The following PRR16 variants were observed in gnomAD, a reference collection of about 807,000 sequenced individuals.
PRR16 encodes proline rich 16.
Under a neutral mutation model 18.2 loss-of-function variants are expected in PRR16, and 6 were observed. The observed-to-expected ratio is 0.33, with a 90% CI of 0.18 to 0.65. The LOEUF is 0.65. PRR16 is among the 30% of genes least tolerant of loss of function. The probability of loss-of-function intolerance (pLI) is 0.74; values close to 1 mark genes in which losing one functional copy is unlikely to be tolerated. For synonymous variants in PRR16, 151 were observed against 147.8 expected (o/e 1.02, Z -0.16); for missense variants, 412 against 376.6 (o/e 1.09, Z -0.78).
the PRR16 span, among the ~76,000 whole-genome samples, chr5:120,720,350 CT>C: frequency 6.6e-6 from 1 of 151,656 alleles, no homozygotes; most frequent in South Asian, 2.1e-4. Context: ...ATTAAATTTC[CT>C]TTTGACCCAT....
the PRR16 span, among the ~76,000 whole-genome samples, chr5:120,763,750 A>G: frequency 1.8e-4 from 27 of 151,806 alleles, no homozygotes; most frequent in Admixed American, 2.6e-4. Context: ...TTGTAAGTTT[A>G]CTTGTAGAGG....
the PRR16 span, among the ~76,000 whole-genome samples, chr5:120,784,689 A>AATTT: frequency 6.6e-6 from 1 of 152,186 alleles, no homozygotes. Context: ...GATTAAATAT[A>AATTT]ATTTTTATCC....
chr5:120,622,853 T>C (rs1226168458), intron 1 of PRR16, among the ~76,000 whole-genome samples: 1 of 151,052 alleles, frequency 6.6e-6, no homozygotes, highest in Non-Finnish European at 1.5e-5. Flanking sequence ...TCTTTTTTGT[T>C]CTTTAAAAGA....
intron 1 of PRR16, among the ~76,000 whole-genome samples, chr5:120,672,019 T>A (rs1478637368): frequency 6.6e-6 from 1 of 152,234 alleles, no homozygotes; most frequent in African/African-American, 2.4e-5. Flanking sequence ...ATTCTAGACA[T>A]AAATGCCCAG....
At chr5:120,575,799 A>G (rs1341777610) in intron 1 of PRR16, among the ~76,000 whole-genome samples, 1 of 152,222 alleles carries the variant, frequency 6.6e-6, no homozygotes, top group Non-Finnish European at 1.5e-5. Flanking sequence ...TTCTAGTCAG[A>G]GCAATCAAGC....
chr5:120,669,065 A>G (rs970932767), intron 1 of PRR16, among the ~76,000 whole-genome samples: 1 of 152,316 alleles, frequency 6.6e-6, no homozygotes, highest in Middle Eastern at 3.4e-3. Context: ...CTAATGTGCC[A>G]TAAGAGGATA....
At chr5:120,767,483 A>T in the PRR16 span, among the ~76,000 whole-genome samples, 3 of 152,056 alleles carry the variant, frequency 2.0e-5, no homozygotes, top group Admixed American at 6.6e-5. Flanking sequence ...ATGTCAGGAA[A>T]GACATAAGTG....
At chr5:120,588,181 C>A (rs189769415) in intron 1 of PRR16, among the ~76,000 whole-genome samples, 60 of 152,246 alleles carry the variant, frequency 3.9e-4, no homozygotes, top group Non-Finnish European at 7.2e-4. Context: ...AAAGTGGTTT[C>A]TTGAGATGAT....
the PRR16 span, among the ~76,000 whole-genome samples, chr5:120,764,391 G>A: frequency 6.6e-6 from 1 of 151,826 alleles, no homozygotes; most frequent in Admixed American, 6.6e-5. Context: ...TACCAGCCTT[G>A]CATCCCTGGA....
chr5:120,604,206 A>G (rs968897053), intron 1 of PRR16, among the ~76,000 whole-genome samples: 5 of 151,960 alleles, frequency 3.3e-5, no homozygotes, highest in African/African-American at 4.8e-5. Context: ...GTAGGTCTCT[A>G]AGAACTTGTT....
chr5:120,701,837 G>A, the PRR16 span, among the ~76,000 whole-genome samples: 5 of 152,162 alleles, frequency 3.3e-5, no homozygotes, highest in African/African-American at 1.2e-4. Context: ...AGGCACCTCA[G>A]ACCGTTTGCC....
the PRR16 span, among the ~76,000 whole-genome samples, chr5:120,714,507 T>C: frequency 2.6e-5 from 4 of 152,204 alleles, no homozygotes; most frequent in Non-Finnish European, 5.9e-5. Flanking sequence ...GGTGAGGTTG[T>C]GGAGAAATAG....
the PRR16 span, among the ~76,000 whole-genome samples, chr5:120,731,527 A>T: frequency 6.7e-6 from 1 of 149,186 alleles, no homozygotes; most frequent in Admixed American, 6.7e-5. Flanking sequence ...TGGAACTCAT[A>T]AAAAAACTAC....
At chr5:120,492,751 C>G (rs1159987041) in intron 1 of PRR16, among the ~76,000 whole-genome samples, 4 of 152,054 alleles carry the variant, frequency 2.6e-5, no homozygotes, top group African/African-American at 9.7e-5. Context: ...CGTTATATCA[C>G]TCTATATGTT....
intron 1 of PRR16, among the ~76,000 whole-genome samples, chr5:120,619,808 C>T (rs1313311726): frequency 2.0e-5 from 3 of 151,932 alleles, no homozygotes; most frequent in African/African-American, 7.3e-5. Context: ...TTGCACTATG[C>T]ACTGTGCTAG....
At chr5:120,574,375 A>T (rs766130200) in intron 1 of PRR16, among the ~76,000 whole-genome samples, 17 of 152,102 alleles carry the variant, frequency 1.1e-4, no homozygotes, top group Non-Finnish European at 2.1e-4. Context: ...AGGCAGAGGC[A>T]GGTGGATTAC....
At chr5:120,562,182 T>A (rs1402815061) in intron 1 of PRR16, among the ~76,000 whole-genome samples, 3 of 152,154 alleles carry the variant, frequency 2.0e-5, no homozygotes, top group Non-Finnish European at 2.9e-5. Flanking sequence ...GATATATATT[T>A]ATAATTATTG....
the PRR16 span, among the ~76,000 whole-genome samples, chr5:120,740,175 T>C: frequency 2.6e-5 from 4 of 152,192 alleles, no homozygotes; most frequent in African/African-American, 9.6e-5. Flanking sequence ...GAGATGCTAT[T>C]TGCACATAAG....
At chr5:120,476,882 C>T (rs1050816131) in intron 1 of PRR16, among the ~76,000 whole-genome samples, 1 of 152,118 alleles carries the variant, frequency 6.6e-6, no homozygotes, top group African/African-American at 2.4e-5. Flanking sequence ...CCTGTTCTTT[C>T]CTAAATCCAG....
Sources: gnomAD v4.1 joint callset for allele counts (sites outside exome capture counted in the v4.1 genomes callset) on GRCh38, gnomAD v4.1.1 for gene constraint, MANE v1.5 for transcripts, NCBI Gene and HGNC (gene_info 2026-07-23, HGNC 2026-07-21) for gene names.